The following HECW2 variants were observed in gnomAD, a reference collection of about 807,000 sequenced individuals.
HECW2 encodes E3 ubiquitin-protein ligase HECW2.
HECW2 carries 61 observed loss-of-function variants against 175.2 expected under a neutral mutation model. The observed-to-expected ratio is 0.35, with a 90% CI of 0.28 to 0.43. The LOEUF (loss-of-function observed/expected upper bound fraction) is 0.43. Ranked by LOEUF, HECW2 falls within the 20% of genes least tolerant of loss-of-function variation. The pLI is 1.00. For missense variants in HECW2, 1,524 were observed against 2,000.5 expected (o/e 0.76, Z 4.54); for synonymous variants, 671 against 731.0 (o/e 0.92, Z 1.32).
intron 23 of HECW2, among the ~76,000 whole-genome samples, chr2:196,223,926 T>C (rs11893762): frequency 0.051 from 7,732 of 151,692 alleles, 649 homozygotes; most frequent in African/African-American, 0.18. Flanking sequence ...ATTGGGGGAG[T>C]ATAAAGAAGG....
At chr2:196,275,829 A>G (rs1211799196) in intron 15 of HECW2, among the ~76,000 whole-genome samples, 1 of 152,140 alleles carries the variant, frequency 6.6e-6, no homozygotes, top group Non-Finnish European at 1.5e-5. Context: ...TCTTCATTGT[A>G]GCAGGTGTTT....
chr2:196,490,010 T>C (rs1687131188), intron 1 of HECW2, among the ~76,000 whole-genome samples: 1 of 152,172 alleles, frequency 6.6e-6, no homozygotes, highest in African/African-American at 2.4e-5. Flanking sequence ...ATAATGTCCA[T>C]GCCACTCTCC....
chr2:196,499,617 C>A (rs1687511632), intron 1 of HECW2, among the ~76,000 whole-genome samples: 1 of 152,136 alleles, frequency 6.6e-6, no homozygotes, highest in Non-Finnish European at 1.5e-5. Context: ...TTATTGCTAG[C>A]CTTCTTAAAG....
intron 21 of HECW2, chr2:196,239,681 G>A (rs1267689091): frequency 1.3e-5 from 2 of 152,116 alleles, no homozygotes; most frequent in African/African-American, 4.8e-5. Context: ...GCTGAGTTAT[G>A]AAGAAGATGT....
At chr2:196,580,500 T>G (rs1206133696) in intron 1 of HECW2, among the ~76,000 whole-genome samples, 3 of 152,160 alleles carry the variant, frequency 2.0e-5, no homozygotes, top group African/African-American at 7.2e-5. Flanking sequence ...GACAACTCTA[T>G]TTTTTAAATT....
At chr2:196,422,189 G>A (rs1695424766) in intron 2 of HECW2, among the ~76,000 whole-genome samples, 1 of 152,132 alleles carries the variant, frequency 6.6e-6, no homozygotes, top group Non-Finnish European at 1.5e-5. Context: ...ACCATACAAG[G>A]ATGCCTTAAG....
At chr2:196,425,367 A>C (rs1266377296) in intron 2 of HECW2, among the ~76,000 whole-genome samples, 1 of 152,148 alleles carries the variant, frequency 6.6e-6, no homozygotes, top group Non-Finnish European at 1.5e-5. Context: ...TTCAAGTCTT[A>C]TTATTTAAGC....
At chr2:196,285,307 G>C (rs540864744) in intron 14 of HECW2, among the ~76,000 whole-genome samples, 3 of 152,050 alleles carry the variant, frequency 2.0e-5, no homozygotes, top group Non-Finnish European at 4.4e-5. Context: ...TGCCACTAAG[G>C]AATACATATT....
At chr2:196,574,750 G>A (rs139562558) in intron 1 of HECW2, among the ~76,000 whole-genome samples, 1,911 of 151,978 alleles carry the variant, frequency 0.013, 40 homozygotes, top group African/African-American at 0.044. Flanking sequence ...AACACTAAAG[G>A]CACCACATTT....
chr2:196,355,573 C>G (rs982681338), intron 2 of HECW2, among the ~76,000 whole-genome samples: 2 of 152,096 alleles, frequency 1.3e-5, no homozygotes, highest in African/African-American at 4.8e-5. Context: ...AGGCCAAAGA[C>G]AGTTGAAAAG....
chr2:196,430,233 C>T (rs148054097), intron 2 of HECW2, among the ~76,000 whole-genome samples: 8 of 152,302 alleles, frequency 5.3e-5, no homozygotes, highest in African/African-American at 1.9e-4. Context: ...GGCCTTTCCA[C>T]AGATCCAGTC....
chr2:196,353,966 C>T (rs930888005), intron 2 of HECW2, among the ~76,000 whole-genome samples: 1 of 152,130 alleles, frequency 6.6e-6, no homozygotes, highest in Non-Finnish European at 1.5e-5. Flanking sequence ...CCTCATCACC[C>T]TTCAATTGTC....
At position 196,320,387 on chromosome 2, in the gene HECW2, T is replaced by A; in HGVS notation, c.937A>T (p.Ser313Cys). The change falls in exon 8 of 29, where the codon AGT becomes TGT. Residue 313 changes from serine to cysteine, a missense_variant. Ser to Cys is a moderately radical substitution (Grantham distance 112). Transcript: ENST00000644978. ...TCCACTTTAAACTGGAGGTACCCAC[T>A]CACGTGGTCAGCTGGGAGCCTTCTG... The part of the protein sequence containing the change: ...LGRRLPADHV[S>C]GYLQFKVEVT... The A allele has an allele frequency of 6.2e-7, 1 of 1,613,176 alleles. No homozygotes were observed. The highest frequency in any genetic ancestry group is 8.5e-7 in the Non-Finnish European group (1 of 1,179,284).
At chr2:196,427,568 G>A (rs1301017746) in intron 2 of HECW2, among the ~76,000 whole-genome samples, 1 of 152,134 alleles carries the variant, frequency 6.6e-6, no homozygotes, top group African/African-American at 2.4e-5. Flanking sequence ...GATGACCTAA[G>A]TGTCTTTGTA....
At chr2:196,348,556 G>T (rs1693048507) in intron 2 of HECW2, among the ~76,000 whole-genome samples, 1 of 152,094 alleles carries the variant, frequency 6.6e-6, no homozygotes, top group Admixed American at 6.5e-5. Context: ...GCTGAGACAG[G>T]GGTGTCCCTT....
intron 1 of HECW2, among the ~76,000 whole-genome samples, chr2:196,443,899 G>C (rs1246563660): frequency 1.3e-5 from 2 of 152,138 alleles, no homozygotes; most frequent in African/African-American, 4.8e-5. Flanking sequence ...GCTGGGCATG[G>C]TGGCGTGCGC....
chr2:196,245,167 GATAATATAAAGTGTATTTAAACA>G (rs1688600721), intron 19 of HECW2, among the ~76,000 whole-genome samples: 1 of 152,208 alleles, frequency 6.6e-6, no homozygotes, highest in South Asian at 2.1e-4. Flanking sequence ...GAAGCATGAT[GATAATATAAAGTGTATTTAAACA>G]ATAACAACAG....
chr2:196,228,358 T>A, intron 21 of HECW2, 104 bp from the exon 22 acceptor site: 1 of 1,044,004 alleles, frequency 9.6e-7, no homozygotes, highest in Non-Finnish European at 1.4e-6. Flanking sequence ...ATTACAAATC[T>A]AATTGTCCAC....
Position 196,408,507 on chromosome 2 carries a change from T to G in HECW2, c.292+24625A>C, listed in dbSNP as rs553359129. On this transcript the variant is annotated intron_variant, in intron 2 of 28. Coordinates refer to ENST00000644978, the MANE Select transcript of HECW2 (RefSeq NM_001348768.2). The stretch of plus-strand genomic sequence containing the variant: ...TCCCCCTCAGTCTCTGAACTCAAAA[T>G]AGCTAGAGGATTGCCATAATTAGGT... Among the ~76,000 whole-genome samples, 6 of 152,280 alleles carry G rather than the reference T, an allele frequency of 3.9e-5. No individual in the cohort carries two copies. In the South Asian group the frequency reaches 1.2e-3, roughly 32 times the overall value.
Sources: allele counts gnomAD v4.1 joint callset (sites outside exome capture counted in the v4.1 genomes callset), GRCh38; gene constraint gnomAD v4.1.1; transcripts MANE v1.5; gene names NCBI Gene and HGNC (gene_info 2026-07-23, HGNC 2026-07-21).